The following MED12L variants were observed in gnomAD, a reference collection of about 807,000 sequenced individuals.
MED12L encodes the protein mediator complex subunit 12L, also known as mediator of RNA polymerase II transcription subunit 12-like protein.
MED12L carries 60 observed loss-of-function variants against 281.3 expected under a neutral mutation model. That is an observed-to-expected ratio of 0.21 (90% CI 0.17 to 0.26). MED12L has a LOEUF of 0.26. Ranked by LOEUF, MED12L falls within the 10% of genes least tolerant of loss-of-function variation. The pLI, the probability that MED12L is intolerant of heterozygous loss-of-function variation, is 1.00. For missense variants in MED12L, 2,146 were observed against 2,680.9 expected, an observed-to-expected ratio of 0.80 and a Z score of 4.41; for synonymous variants, 974 against 987.2, an observed-to-expected ratio of 0.99 and a Z score of 0.25.
intron 2 of MED12L, among the ~76,000 whole-genome samples, chr3:151,101,731 C>T (rs141493156): frequency 3.8e-3 from 585 of 152,050 alleles, no homozygotes; most frequent in African/African-American, 8.4e-3. Flanking sequence ...GGTGAGCTCA[C>T]GTGGTTTTGC....
chr3:151,327,558 A>G (rs1749776793), intron 16 of MED12L: 1 of 152,398 alleles, frequency 6.6e-6, no homozygotes, highest in Non-Finnish European at 1.5e-5. Flanking sequence ...ATGGACTTCA[A>G]GAGTTGGGCG....
At chr3:151,372,846 T>C (rs1354532477) in intron 27 of MED12L, 80 bp downstream of exon 27, 1 of 1,055,766 alleles carries the variant, frequency 9.5e-7, no homozygotes, top group East Asian at 2.5e-5. Context: ...ATAGGAAACT[T>C]GTGCATAGGT....
intron 16 of MED12L, among the ~76,000 whole-genome samples, chr3:151,334,730 C>G (rs1013886324): frequency 5.9e-5 from 9 of 152,074 alleles, no homozygotes; most frequent in African/African-American, 2.2e-4. Flanking sequence ...AAACTCCTGG[C>G]CTCAGGTGAT....
At chr3:151,168,610 G>A (rs1448031208) in intron 11 of MED12L, among the ~76,000 whole-genome samples, 5 of 152,158 alleles carry the variant, frequency 3.3e-5, no homozygotes, top group African/African-American at 4.8e-5. Flanking sequence ...TGAAAACTAC[G>A]TTTTCAACCC....
chr3:151,308,249 A>G (rs1746985145), intron 16 of MED12L, among the ~76,000 whole-genome samples: 1 of 152,000 alleles, frequency 6.6e-6, no homozygotes, highest in Non-Finnish European at 1.5e-5. Flanking sequence ...AATTCCTACT[A>G]CTCACATTAC....
chr3:151,210,078 A>G (rs574785331), intron 16 of MED12L, among the ~76,000 whole-genome samples: 44 of 152,210 alleles, frequency 2.9e-4, no homozygotes, highest in African/African-American at 1.1e-3. Context: ...TCTCTTTCCT[A>G]TGGTAGCCAG....
chr3:151,270,066 TGAAGATGAA>T (rs1388735471), intron 16 of MED12L: 5 of 223,454 alleles, frequency 2.2e-5, no homozygotes, highest in Non-Finnish European at 3.5e-5. Context: ...GGGATAAGGA[TGAAGATGAA>T]GAAGATGAAG....
At chr3:151,272,681 G>A (rs888093954) in intron 16 of MED12L, among the ~76,000 whole-genome samples, 3 of 152,204 alleles carry the variant, frequency 2.0e-5, no homozygotes, top group African/African-American at 7.2e-5. Context: ...GTGGGTAGAG[G>A]TTGACAGATG....
intron 11 of MED12L, among the ~76,000 whole-genome samples, chr3:151,170,360 C>CT (rs1389661971): frequency 2.0e-5 from 3 of 150,568 alleles, no homozygotes; most frequent in Admixed American, 1.3e-4. Flanking sequence ...ACTGTAACCT[C>CT]TGCCTCCTGA....
At chr3:151,351,364 A>G (rs1265810451) in intron 17 of MED12L, among the ~76,000 whole-genome samples, 1 of 152,218 alleles carries the variant, frequency 6.6e-6, no homozygotes, top group Non-Finnish European at 1.5e-5. Flanking sequence ...ACAGTGGGAA[A>G]GTTATCCTTC....
Position 151,387,876 on chromosome 3 carries a change from G to T in MED12L, c.5155G>T (p.Ala1719Ser). ...CTTGTTTGAGGGTCAGAAGAACCCA[G>T]CTCCTTTGTCCTGGGCCTGGTTTGG... ...WDLFEGQKNP[A>S]PLSWAWFGTV... Residue 1719 changes from alanine to serine, a missense_variant, in exon 37 of 45, where the codon GCT becomes TCT. This residue lies in a region of MED12L where 212 missense variants were observed against 340.8 expected (regional missense o/e 0.62). Coordinates refer to ENST00000687756, the MANE Select transcript of MED12L (RefSeq NM_001393769.1). 6.2e-7 allele frequency: 1 copy of T among 1,614,124 alleles called. No individual in the cohort carries two copies. The highest frequency in any genetic ancestry group is 1.1e-5 in the South Asian group (1 of 91,078).
At chr3:151,336,620 G>A (rs912134142) in intron 16 of MED12L, 2 of 449,018 alleles carry the variant, frequency 4.5e-6, no homozygotes, top group East Asian at 7.0e-5. Flanking sequence ...TGTTAAAATA[G>A]CGAATATGCC....
At chr3:151,381,709 C>T (rs1215224815) in intron 32 of MED12L, among the ~76,000 whole-genome samples, 1 of 152,172 alleles carries the variant, frequency 6.6e-6, no homozygotes, top group African/African-American at 2.4e-5. Flanking sequence ...ACTTGTTACA[C>T]TTAGTTTTAT....
chr3:151,409,524 G>A (rs553592158), intron 40 of MED12L, among the ~76,000 whole-genome samples, 192 bp downstream of exon 40: 1 of 152,320 alleles, frequency 6.6e-6, no homozygotes, highest in South Asian at 2.1e-4. Flanking sequence ...TGATTAAGGA[G>A]CATAAAACAT....
chr3:151,292,674 G>A (rs1459766633), intron 16 of MED12L, among the ~76,000 whole-genome samples: 1 of 151,424 alleles, frequency 6.6e-6, no homozygotes, highest in Admixed American at 6.6e-5. Flanking sequence ...CCGGGTTCAA[G>A]CAATTCTCCT....
rs1386054025 is a variant in MED12L at position 151,433,951 on chromosome 3, CAAGT to C, written c.*1149_*1152del. 2.0e-5 allele frequency: 3 copies of C among 152,516 alleles called. No homozygotes were observed. The highest frequency in any genetic ancestry group is 4.8e-5 in the African/African-American group (2 of 41,418). The allele number at this position is 152,516 out of a possible 1,614,324, so 9.4% of individuals were successfully genotyped here. On this transcript the variant is annotated 3_prime_UTR_variant, in exon 45 of 45. Transcript: ENST00000687756. ...AAATAGTAACTATTTTAACTTTGTT[CAAGT>C]ATGTGGTAATTTGCTCCTATTAGAG...
At chr3:151,095,439 G>A (rs1164653765) in intron 2 of MED12L, among the ~76,000 whole-genome samples, 2 of 152,160 alleles carry the variant, frequency 1.3e-5, no homozygotes, top group East Asian at 1.9e-4. Context: ...CCAGTTTCAA[G>A]CTATTCTCCT....
intron 39 of MED12L, among the ~76,000 whole-genome samples, chr3:151,396,646 TAAATA>T (rs1715017926): frequency 1.3e-5 from 2 of 152,118 alleles, no homozygotes; most frequent in African/African-American, 4.8e-5. Context: ...AATAAAATAA[TAAATA>T]AAGTAAAGTA....
At chr3:151,388,264 G>A in intron 37 of MED12L, 92 bp downstream of exon 37, 1 of 1,464,242 alleles carries the variant, frequency 6.8e-7, no homozygotes, top group Non-Finnish European at 9.1e-7. Context: ...ACATTACCAA[G>A]AGCAGGATAA....
Sources: allele counts gnomAD v4.1 joint callset (sites outside exome capture counted in the v4.1 genomes callset), GRCh38; gene constraint gnomAD v4.1.1; regional missense constraint gnomAD v4.1.1; transcripts MANE v1.5; gene names NCBI Gene and HGNC (gene_info 2026-07-23, HGNC 2026-07-21).